The following BIRC6 variants were observed in gnomAD, a reference collection of about 807,000 sequenced individuals.
BIRC6 encodes the protein baculoviral IAP repeat containing 6.
Under a neutral mutation model 503.3 loss-of-function variants are expected in BIRC6, and 98 were observed. The observed-to-expected ratio is 0.19, with a 90% CI of 0.17 to 0.23. The LOEUF (loss-of-function observed/expected upper bound fraction) is 0.23. Among genes scored for constraint, BIRC6 ranks in the 10% least tolerant of loss-of-function variants. BIRC6 has a pLI of 1.00. For missense variants in BIRC6, 5,360 were observed against 5,806.0 expected, an observed-to-expected ratio of 0.92 and a Z score of 2.50; for synonymous variants, 2,240 against 2,078.7, an observed-to-expected ratio of 1.08 and a Z score of -2.11.
Position 32,357,082 on chromosome 2 carries a change from C to A in BIRC6, c.-80C>A. The A allele has an allele frequency of 3.2e-6, 4 of 1,259,816 alleles. No homozygotes were observed. Among genetic ancestry groups the A allele is most frequent in the Non-Finnish European group, 4.2e-6 (4 of 957,550 alleles). 78.0% of individuals were successfully genotyped at this position (1,259,816 alleles called of 1,614,324 possible). On this transcript the variant is annotated 5_prime_UTR_variant, in exon 1 of 74. Coordinates refer to ENST00000421745, the MANE Select transcript of BIRC6 (RefSeq NM_016252.4). The surrounding 1 kb of genome is among the most constrained non-coding windows in gnomAD (Gnocchi z 4.9). ...TCCCTCCGAGTTTGGCCCCTCCGGC[C>A]GGGCGATCGACGTTCCGCGTGCGTG...
At chr2:32,393,237 T>G (rs1220888391) in intron 5 of BIRC6, among the ~76,000 whole-genome samples, 1 of 151,904 alleles carries the variant, frequency 6.6e-6, no homozygotes, top group Non-Finnish European at 1.5e-5. Context: ...GAAGAATTAG[T>G]CAAGAAAAAC....
chr2:32,411,420 TTA>T (rs2041864348), intron 9 of BIRC6, among the ~76,000 whole-genome samples: 2 of 143,116 alleles, frequency 1.4e-5, no homozygotes, highest in African/African-American at 5.3e-5. Flanking sequence ...TATATATATT[TTA>T]TTTTTTTATT....
intron 66 of BIRC6, among the ~76,000 whole-genome samples, chr2:32,584,881 C>T (rs991630252): frequency 6.6e-6 from 1 of 152,100 alleles, no homozygotes; most frequent in Non-Finnish European, 1.5e-5. Context: ...TTCCTGTAAC[C>T]ATAAACGTTT....
chr2:32,421,415 C>G (rs1047736804), intron 10 of BIRC6, among the ~76,000 whole-genome samples: 2 of 152,034 alleles, frequency 1.3e-5, no homozygotes, highest in African/African-American at 4.8e-5. Context: ...TCTTTAGTTT[C>G]TTAAAGTAGA....
intron 3 of BIRC6, among the ~76,000 whole-genome samples, chr2:32,386,411 T>A (rs1319349487): frequency 6.6e-6 from 1 of 152,146 alleles, no homozygotes; most frequent in Non-Finnish European, 1.5e-5. Context: ...ACGAGGTCAT[T>A]TGATTACCTC....
chr2:32,485,972 T>C (rs2050941564), intron 40 of BIRC6, among the ~76,000 whole-genome samples: 1 of 152,196 alleles, frequency 6.6e-6, no homozygotes, highest in African/African-American at 2.4e-5. Flanking sequence ...AATACTTCCA[T>C]GTAGTGCTGT....
intron 1 of BIRC6, among the ~76,000 whole-genome samples, chr2:32,360,119 A>G (rs1006676287): frequency 2.0e-5 from 3 of 152,162 alleles, no homozygotes; most frequent in Non-Finnish European, 4.4e-5. Context: ...TTTCTTTTCT[A>G]CCACAGAGGA....
intron 6 of BIRC6, among the ~76,000 whole-genome samples, chr2:32,399,991 C>T (rs956954894): frequency 3.3e-5 from 5 of 151,952 alleles, no homozygotes; most frequent in Non-Finnish European, 7.4e-5. Flanking sequence ...AATGAGGTCT[C>T]ACTATGTTGC....
intron 6 of BIRC6, among the ~76,000 whole-genome samples, chr2:32,400,844 G>A (rs535245811): frequency 1.3e-5 from 2 of 152,254 alleles, no homozygotes; most frequent in Admixed American, 1.3e-4. Flanking sequence ...GGAAATAACA[G>A]GAGTTTAAAC....
chr2:32,529,057 A>G (rs2056515117), intron 59 of BIRC6: 1 of 152,228 alleles, frequency 6.6e-6, no homozygotes. Flanking sequence ...ATTAAAATGA[A>G]ATTGCCAACT....
chr2:32,592,795 A>T (rs555909154), intron 66 of BIRC6, among the ~76,000 whole-genome samples: 2 of 151,148 alleles, frequency 1.3e-5, no homozygotes, highest in African/African-American at 2.4e-5. Flanking sequence ...GGGTTTCTCC[A>T]TGTTGTTCAG....
chr2:32,603,207 A>G (rs2062185897), intron 71 of BIRC6, 124 bp downstream of exon 71: 1 of 629,984 alleles, frequency 1.6e-6, no homozygotes, highest in Non-Finnish European at 2.6e-6. Flanking sequence ...TAGGAAATGC[A>G]TATTAAATAG....
At chr2:32,371,577 TTCACTG>T (rs1311511464) in intron 1 of BIRC6, among the ~76,000 whole-genome samples, 1 of 151,990 alleles carries the variant, frequency 6.6e-6, no homozygotes, top group East Asian at 1.9e-4. Flanking sequence ...ATACAGGGGT[TTCACTG>T]TGTTACCCAG....
chr2:32,510,069 C>G (rs1281432413), intron 52 of BIRC6, 75 bp downstream of exon 52: 1 of 1,488,258 alleles, frequency 6.7e-7, no homozygotes, highest in East Asian at 2.3e-5. Flanking sequence ...GATCTTCGTG[C>G]TTAACTCTGT....
At chr2:32,377,901 C>A in intron 2 of BIRC6, 132 bp downstream of exon 2, 3 of 736,514 alleles carry the variant, frequency 4.1e-6, no homozygotes, top group Non-Finnish European at 6.2e-6. Context: ...TACTTATTGA[C>A]CACAACTTCA....
chr2:32,391,886 G>A (rs964090893), intron 4 of BIRC6, among the ~76,000 whole-genome samples, 153 bp from the exon 5 acceptor site: 1 of 152,162 alleles, frequency 6.6e-6, no homozygotes, highest in Admixed American at 6.5e-5. Context: ...AAAAATTACC[G>A]TTTTTAGTTT....
At chr2:32,407,262 A>G (rs533168246) in intron 9 of BIRC6, among the ~76,000 whole-genome samples, 2 of 152,202 alleles carry the variant, frequency 1.3e-5, no homozygotes, top group Non-Finnish European at 2.9e-5. Flanking sequence ...CCTGGCCAAC[A>G]TGGTGAAACC....
chr2:32,545,277 C>G (rs1473198167), intron 62 of BIRC6, among the ~76,000 whole-genome samples: 1 of 152,116 alleles, frequency 6.6e-6, no homozygotes, highest in Non-Finnish European at 1.5e-5. Context: ...TTGGTTAAAG[C>G]TACTCCCAAG....
rs567468442 is a variant in BIRC6, at chr2:32,597,571, T to G, written c.13613-180T>G. 4.3e-4 allele frequency among the ~76,000 whole-genome samples: 66 copies of G among 152,304 alleles called. 1 individual carries two copies. The South Asian group carries it at 0.013, about 31-fold the overall frequency. Reference sequence around the variant, plus strand: ...AGACAAGAGTCCATCCATCTGGCAGTGCTAATCCATCTGGCAGTGCTAATA... The same window carrying G: ...AGACAAGAGTCCATCCATCTGGCAGGGCTAATCCATCTGGCAGTGCTAATA... On this transcript the variant is annotated intron_variant, in intron 68 of 73. Transcript: ENST00000421745.
Sources: gnomAD v4.1 joint callset for allele counts (sites outside exome capture counted in the v4.1 genomes callset) on GRCh38, gnomAD v4.1.1 for gene constraint, Gnocchi (gnomAD v3.1) non-coding constraint, MANE v1.5 for transcripts, NCBI Gene and HGNC (gene_info 2026-07-23, HGNC 2026-07-21) for gene names.